The following PPP1R21 variants were observed in gnomAD, a reference collection of about 807,000 sequenced individuals.
PPP1R21 encodes protein phosphatase 1 regulatory subunit 21.
In PPP1R21, 85 loss-of-function variants were observed where a neutral mutation model predicts 112.8. The ratio of observed to expected loss-of-function variants is 0.75; its 90% CI spans 0.63 to 0.90. PPP1R21 has a LOEUF of 0.90. Ranked by LOEUF, PPP1R21 falls within the 40% of genes least tolerant of loss-of-function variation. PPP1R21 has a pLI of 0.00. For synonymous variants in PPP1R21, 381 were observed against 322.3 expected (o/e 1.18, Z -1.95); for missense variants, 1,199 against 901.5 (o/e 1.33, Z -4.23).
At chr2:48,477,113 T>A (rs1441243068) in intron 12 of PPP1R21, among the ~76,000 whole-genome samples, 4 of 148,162 alleles carry the variant, frequency 2.7e-5, no homozygotes. Flanking sequence ...TAATTTTGAA[T>A]TAATTTTTTT....
At position 48,459,825 on chromosome 2, in the gene PPP1R21, A is replaced by C. The variant is rs777231699; in HGVS notation, c.447A>C (p.Thr149=). The change falls in exon 5 of 22, where the codon ACA becomes ACC. Residue 149 remains threonine (T), a synonymous_variant. Coordinates refer to ENST00000294952, the MANE Select transcript of PPP1R21 (RefSeq NM_001135629.3). ...ELRSRLATLE[T]EAAQHQAVVD... Reference sequence around the variant, plus strand: ...GGAGTCGACTGGCCACTCTGGAGACAGAAGCAGCCCAGCACCAAGCTGTGG... The same window carrying C: ...GGAGTCGACTGGCCACTCTGGAGACCGAAGCAGCCCAGCACCAAGCTGTGG... 7 of 1,614,078 alleles carry C rather than the reference A, an allele frequency of 4.3e-6. No individual in the cohort carries two copies. Among genetic ancestry groups the C allele is most frequent in the African/African-American group, 1.3e-5 (1 of 74,938 alleles).
chr2:48,490,004 C>T (rs752199398), intron 14 of PPP1R21, among the ~76,000 whole-genome samples: 2 of 152,012 alleles, frequency 1.3e-5, no homozygotes, highest in Non-Finnish European at 2.9e-5. Context: ...GAGATCGTGC[C>T]ACCGCCCTCC....
At position 48,469,509 on chromosome 2, in the gene PPP1R21, CATATATATATATAT is replaced by C. The variant is rs374280494; in HGVS notation, c.898-1564_898-1551del. Among the ~76,000 whole-genome samples, 3 of 59,310 alleles carry C rather than the reference CATATATATATATAT, an allele frequency of 5.1e-5. No homozygotes were observed. In the South Asian group the frequency reaches 1.7e-3, roughly 33 times the overall value. The allele number at this position is 59,310 out of a possible 152,430, so 38.9% of individuals were successfully genotyped here. A position where few individuals can be genotyped will look rare whatever the true frequency, so the allele number is the denominator to read the frequency against. ...AGAGCATATATATATATATATAGAG[CATATATATATATAT>C]ATATATATATATAGAGCATATATAT... On this transcript the variant is annotated intron_variant, in intron 9 of 21. Coordinates refer to ENST00000294952, the MANE Select transcript of PPP1R21 (RefSeq NM_001135629.3).
At chr2:48,495,814 A>T (rs1424733148) in intron 16 of PPP1R21, 43 bp downstream of exon 16, 1 of 1,117,520 alleles carries the variant, frequency 8.9e-7, no homozygotes, top group Non-Finnish European at 1.4e-6. Flanking sequence ...AAGAACAGAA[A>T]TGTTAAATCC....
chr2:48,504,654 CAA>C (rs199528225), intron 17 of PPP1R21, among the ~76,000 whole-genome samples: 1 of 148,746 alleles, frequency 6.7e-6, no homozygotes, highest in African/African-American at 2.4e-5. Flanking sequence ...AACAAACAAA[CAA>C]AAAAAAACTG....
chr2:48,497,429 C>T (rs906844690), intron 16 of PPP1R21, among the ~76,000 whole-genome samples: 1 of 152,144 alleles, frequency 6.6e-6, no homozygotes, highest in African/African-American at 2.4e-5. Context: ...GCTCTCCTCT[C>T]CCCCAAAGGT....
intron 1 of PPP1R21, among the ~76,000 whole-genome samples, chr2:48,442,612 G>A (rs1667083206): frequency 6.6e-6 from 1 of 152,180 alleles, no homozygotes; most frequent in Non-Finnish European, 1.5e-5. Flanking sequence ...ACATAGTTAT[G>A]ATATAGTACG....
chr2:48,451,102 G>A, intron 2 of PPP1R21, 26 bp downstream of exon 2: 1 of 1,595,140 alleles, frequency 6.3e-7, no homozygotes, highest in Non-Finnish European at 8.6e-7. Flanking sequence ...TTTGTGTTGT[G>A]AGGGTTAAGT....
At chr2:48,445,739 T>C (rs1308722348) in intron 1 of PPP1R21, among the ~76,000 whole-genome samples, 2 of 152,228 alleles carry the variant, frequency 1.3e-5, no homozygotes, top group East Asian at 1.9e-4. Context: ...AGGATGCCAT[T>C]TGAGGCAGAT....
chr2:48,459,916 GA>G lies in PPP1R21; in HGVS notation c.540del (p.Val181Ter). 6.2e-7 allele frequency: 1 copy of G among 1,613,060 alleles called. No individual in the cohort carries two copies. The highest frequency in any genetic ancestry group is 8.5e-7 in the Non-Finnish European group (1 of 1,179,638). The part of the protein sequence containing the change: ...EKLQNDKAKL[E>X]VKSQTLEKEA... The stretch of plus-strand genomic sequence containing the variant: ...GCTGCAGAACGACAAGGCTAAACTA[GA>G]AGTAAGCCCCATTGTGAGAGCACAC... On this transcript the variant is annotated frameshift_variant and splice_region_variant, in exon 5 of 22. Coordinates refer to ENST00000294952, the MANE Select transcript of PPP1R21 (RefSeq NM_001135629.3). LOFTEE classifies it high-confidence loss of function.
intron 12 of PPP1R21, among the ~76,000 whole-genome samples, chr2:48,476,916 T>C (rs1668783206): frequency 6.6e-6 from 1 of 152,078 alleles, no homozygotes; most frequent in Non-Finnish European, 1.5e-5. Flanking sequence ...CTTGATAGTG[T>C]CCTTTGAGGA....
intron 1 of PPP1R21, 66 bp downstream of exon 1, chr2:48,441,076 C>G: frequency 8.7e-7 from 1 of 1,153,348 alleles, no homozygotes; most frequent in African/African-American, 1.5e-5. Context: ...GTGGCAGCGA[C>G]TTGTCGGGAC....
At chr2:48,463,792 G>A (rs1348275357) in intron 7 of PPP1R21, among the ~76,000 whole-genome samples, 3 of 151,884 alleles carry the variant, frequency 2.0e-5, no homozygotes, top group Non-Finnish European at 4.4e-5. Flanking sequence ...AGGACGGTTA[G>A]CTGAGGAAAG....
chr2:48,467,270 C>G (rs1440461745), intron 9 of PPP1R21, among the ~76,000 whole-genome samples: 4 of 152,056 alleles, frequency 2.6e-5, no homozygotes, highest in African/African-American at 9.7e-5. Flanking sequence ...CTTTCTTTCC[C>G]TTTTTTCTCC....
In PPP1R21 at chr2:48,440,830, G is replaced by GGCT. The variant is rs1233185649; in HGVS notation, c.-122_-121insTGC. On this transcript the variant is annotated 5_prime_UTR_variant, in exon 1 of 22. Coordinates refer to ENST00000294952, the MANE Select transcript of PPP1R21 (RefSeq NM_001135629.3). ...GAGGAGGCGCGGCGGCGGCGGCGGC[G>GGCT]GCGGCTGCGGTGGCCAAGCAGGCAG... 5 of 696,524 alleles carry GGCT rather than the reference G, an allele frequency of 7.2e-6. No individual in the cohort carries two copies. The highest frequency in any genetic ancestry group is 1.2e-5 in the Non-Finnish European group (5 of 408,142). 43.1% of individuals were successfully genotyped at this position (696,524 alleles called of 1,614,324 possible). A position where few individuals can be genotyped will look rare whatever the true frequency, so the allele number is the denominator to read the frequency against.
At position 48,454,234 on chromosome 2, in the gene PPP1R21, C is replaced by A. The variant is rs181448716; in HGVS notation, c.127-361C>A. 6.1e-3 allele frequency among the ~76,000 whole-genome samples: 921 copies of A among 152,036 alleles called. 6 individuals are homozygous for A. Among genetic ancestry groups the A allele is most frequent in the Non-Finnish European group, 0.01 (688 of 67,984 alleles). On this transcript the variant is annotated intron_variant, in intron 2 of 21. Transcript: ENST00000294952. ...TGAGATTGTGCCACTGCACTCCAGC[C>A]TGGGCAATAGAGCGAGACTCTGTCT...
At chr2:48,442,804 G>T (rs1179958907) in intron 1 of PPP1R21, among the ~76,000 whole-genome samples, 1 of 152,126 alleles carries the variant, frequency 6.6e-6, no homozygotes, top group Non-Finnish European at 1.5e-5. Flanking sequence ...GGTGAAATGA[G>T]GTAGGAGAGA....
rs1414359697 is a variant in PPP1R21, at chr2:48,486,551, TAGG to T, written c.1319-77_1319-75del. ...TACTTTATAAATTTAGAAGAATAGATAGGAGAAGTGAATGGGCTGGTTATCTGT... is the reference window on the plus strand; with the variant it reads ...TACTTTATAAATTTAGAAGAATAGATAGAAGTGAATGGGCTGGTTATCTGT... On this transcript the variant is annotated intron_variant, in intron 13 of 21. Coordinates refer to ENST00000294952, the MANE Select transcript of PPP1R21 (RefSeq NM_001135629.3). 3.8e-6 allele frequency: 4 copies of T among 1,061,712 alleles called. No homozygotes were observed. In the African/African-American group the frequency reaches 4.8e-5, roughly 13 times the overall value. 65.8% of individuals were successfully genotyped at this position (1,061,712 alleles called of 1,614,324 possible).
Position 48,451,004 on chromosome 2 carries a change from T to G in PPP1R21, c.58-4T>G, listed in dbSNP as rs750686692. On this transcript the variant is annotated splice_region_variant and splice_polypyrimidine_tract_variant and intron_variant, in intron 1 of 21. Coordinates refer to ENST00000294952, the MANE Select transcript of PPP1R21 (RefSeq NM_001135629.3). ...AAATTGATTATTGCTTTCTCTGTTT[T>G]CAGCTTCGGGCTCAGAATCAGGTTC... 2.5e-6 allele frequency: 4 copies of G among 1,613,196 alleles called. No homozygotes were observed. In the South Asian group the frequency reaches 4.4e-5, roughly 18 times the overall value.
Sources: allele counts gnomAD v4.1 joint callset (sites outside exome capture counted in the v4.1 genomes callset), GRCh38; gene constraint gnomAD v4.1.1; transcripts MANE v1.5; gene names NCBI Gene and HGNC (gene_info 2026-07-23, HGNC 2026-07-21).